The following MINDY4 variants were observed in gnomAD, a reference collection of about 807,000 sequenced individuals.
The protein encoded by MINDY4 is probable ubiquitin carboxyl-terminal hydrolase MINDY-4.
In MINDY4, 68 loss-of-function variants were observed where a neutral mutation model predicts 87.0. That is an observed-to-expected ratio of 0.78 (90% CI 0.64 to 0.96). The LOEUF is 0.96. Ranked by LOEUF, MINDY4 falls within the 40% of genes least tolerant of loss-of-function variation. The pLI is 0.00. For missense variants in MINDY4, 919 were observed against 928.2 expected (o/e 0.99, Z 0.13); for synonymous variants, 379 against 363.2 (o/e 1.04, Z -0.50).
chr7:30,863,001 C>T (rs962094513), intron 13 of MINDY4, among the ~76,000 whole-genome samples: 1 of 152,100 alleles, frequency 6.6e-6, no homozygotes, highest in African/African-American at 2.4e-5. Flanking sequence ...CTGCCCCCCT[C>T]CCCAGCCTGC....
chr7:30,850,615 G>C, intron 10 of MINDY4, 60 bp downstream of exon 10: 2 of 1,462,228 alleles, frequency 1.4e-6, no homozygotes, highest in South Asian at 2.4e-5. Flanking sequence ...CTGCCGGCAA[G>C]CTGGCTGTGT....
At chr7:30,875,683 A>G (rs770185391) in intron 15 of MINDY4, 27 bp downstream of exon 15, 2 of 1,582,886 alleles carry the variant, frequency 1.3e-6, no homozygotes, top group Non-Finnish European at 1.7e-6. Context: ...GTTCACCACA[A>G]GTAGGGGAGC....
At chr7:30,862,736 C>A (rs1310892793) in intron 13 of MINDY4, among the ~76,000 whole-genome samples, 1 of 152,210 alleles carries the variant, frequency 6.6e-6, no homozygotes, top group Non-Finnish European at 1.5e-5. Flanking sequence ...TTCTTGACCA[C>A]AAGAAAAGCA....
intron 4 of MINDY4, among the ~76,000 whole-genome samples, chr7:30,788,375 G>C (rs187139507): frequency 3.0e-4 from 46 of 152,290 alleles, no homozygotes; most frequent in Non-Finnish European, 4.4e-5. Context: ...ACCCCTGAAT[G>C]ATTTAGTAAC....
At chr7:30,881,634 T>G (rs2128581535) in intron 15 of MINDY4, among the ~76,000 whole-genome samples, 1 of 152,258 alleles carries the variant, frequency 6.6e-6, no homozygotes, top group Non-Finnish European at 1.5e-5. Flanking sequence ...GAGGCAGAGG[T>G]GCTGCGGCTG....
At position 30,832,690 on chromosome 7, in the gene MINDY4, A is replaced by G. The variant is rs574584425; in HGVS notation, c.1132+3953A>G. On this transcript the variant is annotated intron_variant, in intron 6 of 17. Coordinates refer to ENST00000265299, the MANE Select transcript of MINDY4 (RefSeq NM_032222.3). ...ACACCTGGCTAATTTTTGTATTTTT[A>G]GTAGAGATGGGGTTTCGCCATGTTG... Among the ~76,000 whole-genome samples, 4 of 152,216 alleles carry G rather than the reference A, an allele frequency of 2.6e-5. No homozygotes were observed. The South Asian group carries it at 6.2e-4, about 24-fold the overall frequency.
chr7:30,874,462 T>C (rs1359568644), intron 14 of MINDY4, among the ~76,000 whole-genome samples: 1 of 152,212 alleles, frequency 6.6e-6, no homozygotes, highest in Non-Finnish European at 1.5e-5. Flanking sequence ...GTTGGATCCT[T>C]GGTTATCCTG....
chr7:30,859,858 G>T (rs1789696479), intron 13 of MINDY4, among the ~76,000 whole-genome samples: 1 of 152,138 alleles, frequency 6.6e-6, no homozygotes, highest in Non-Finnish European at 1.5e-5. Context: ...ACCCCTTTTG[G>T]CAGGGTCTCT....
intron 17 of MINDY4, among the ~76,000 whole-genome samples, chr7:30,889,338 G>C (rs1346061632): frequency 6.6e-6 from 1 of 152,132 alleles, no homozygotes; most frequent in Non-Finnish European, 1.5e-5. Flanking sequence ...CAGTACCCAG[G>C]AGCTGGGGTC....
chr7:30,808,779 A>G (rs1444108514), intron 5 of MINDY4, among the ~76,000 whole-genome samples: 2 of 152,068 alleles, frequency 1.3e-5, no homozygotes, highest in Non-Finnish European at 2.9e-5. Context: ...CTGTACATAG[A>G]CACTTGGTTA....
chr7:30,836,345 C>T (rs980754815), intron 6 of MINDY4, among the ~76,000 whole-genome samples: 2 of 152,200 alleles, frequency 1.3e-5, no homozygotes, highest in African/African-American at 4.8e-5. Context: ...AGGACCCAGG[C>T]ACTTGTTCCA....
chr7:30,883,432 C>T (rs1790532108), intron 17 of MINDY4, among the ~76,000 whole-genome samples: 1 of 152,118 alleles, frequency 6.6e-6, no homozygotes, highest in Admixed American at 6.5e-5. Context: ...TGGAGCGACA[C>T]CCTCTGCTTG....
chr7:30,782,981 A>G (rs1307885197), intron 3 of MINDY4, among the ~76,000 whole-genome samples: 1 of 152,246 alleles, frequency 6.6e-6, no homozygotes, highest in Non-Finnish European at 1.5e-5. Flanking sequence ...CTTCACAGCA[A>G]CAGCTAGATT....
Position 30,771,481 on chromosome 7 carries a change from C to A in MINDY4, c.-13C>A. ...CCGGCGTGGGCCTCGTGGGCAGAGC[C>A]AGAGCCAGAGCCATGGACAGCCTCT... is the stretch of plus-strand genomic sequence containing the variant. On this transcript the variant is annotated 5_prime_UTR_variant, in exon 1 of 18. Coordinates refer to ENST00000265299, the MANE Select transcript of MINDY4 (RefSeq NM_032222.3). 1.9e-6 allele frequency: 3 copies of A among 1,600,584 alleles called. No homozygotes were observed. Among genetic ancestry groups the A allele is most frequent in the Non-Finnish European group, 2.6e-6 (3 of 1,175,172 alleles).
In MINDY4 at chr7:30,836,650, TC is replaced by T. The variant is rs771418950; in HGVS notation, c.1133-7del. On this transcript the variant is annotated splice_region_variant and splice_polypyrimidine_tract_variant and intron_variant, in intron 6 of 17. Coordinates refer to ENST00000265299, the MANE Select transcript of MINDY4 (RefSeq NM_032222.3). ...CGAAGGGCTCACATGGCCATGGTTTTCTTTCAGAGGATGTGGAGGATGAGTT... is the reference window on the plus strand; with the variant it reads ...CGAAGGGCTCACATGGCCATGGTTTTTTTCAGAGGATGTGGAGGATGAGTT... 5.6e-6 allele frequency: 9 copies of T among 1,612,650 alleles called. No individual in the cohort carries two copies. In the South Asian group the frequency reaches 9.9e-5, roughly 18 times the overall value.
chr7:30,845,289 C>T (rs6976856), intron 9 of MINDY4, among the ~76,000 whole-genome samples: 27 of 152,158 alleles, frequency 1.8e-4, no homozygotes, highest in African/African-American at 5.6e-4. Context: ...AGCAACATAG[C>T]AAACACCTAC....
chr7:30,865,616 C>T (rs1389814815), intron 13 of MINDY4, among the ~76,000 whole-genome samples: 1 of 152,206 alleles, frequency 6.6e-6, no homozygotes, highest in Non-Finnish European at 1.5e-5. Flanking sequence ...TGTGCAGACA[C>T]CTGAATCTGG....
chr7:30,813,151 A>G (rs1472720007), intron 5 of MINDY4, among the ~76,000 whole-genome samples: 3 of 152,152 alleles, frequency 2.0e-5, no homozygotes, highest in African/African-American at 7.2e-5. Context: ...CTTGCATTAG[A>G]TTCAGATCCT....
intron 5 of MINDY4, among the ~76,000 whole-genome samples, chr7:30,801,442 G>T (rs548433885): frequency 6.6e-6 from 1 of 152,112 alleles, no homozygotes; most frequent in South Asian, 2.1e-4. Context: ...CTGTTCTGGG[G>T]ACCTCTCTTC....
Sources: allele counts gnomAD v4.1 joint callset (sites outside exome capture counted in the v4.1 genomes callset), GRCh38; gene constraint gnomAD v4.1.1; transcripts MANE v1.5; gene names NCBI Gene and HGNC (gene_info 2026-07-23, HGNC 2026-07-21).